Variants in PSME1 observed in about 807,000 individuals in gnomAD.
The protein encoded by PSME1 is proteasome activator complex subunit 1.
A neutral mutation model predicts 38.4 loss-of-function variants in PSME1; 15 were observed. The ratio of observed to expected loss-of-function variants is 0.39; its 90% confidence interval spans 0.26 to 0.60. The LOEUF (loss-of-function observed/expected upper bound fraction) is 0.60. Ranked by LOEUF, PSME1 falls within the 20% of genes least tolerant of loss-of-function variation. PSME1 has a pLI of 0.53. For missense variants in PSME1, 249 were observed against 305.6 expected (o/e 0.81, Z 1.38); for synonymous variants, 106 against 106.8 (o/e 0.99, Z 0.05).
rs2037951345 is a variant in PSME1 at position 24,138,271 on chromosome 14, A to T, written c.527+8A>T. 1 of 1,613,928 alleles carries T rather than the reference A, an allele frequency of 6.2e-7. No homozygotes were observed. Among genetic ancestry groups the T allele is most frequent in the Non-Finnish European group, 8.5e-7 (1 of 1,179,818 alleles). ...CCACACTCAAATCTCTAAGTGAGTG[A>T]CCACCCATGTGCACACTGTTTTTGT... On this transcript the variant is annotated splice_region_variant and intron_variant, in intron 8 of 10. Transcript: ENST00000206451.
At chr14:24,137,097 A>G in intron 2 of PSME1, 46 bp from the exon 3 acceptor site, 1 of 1,613,748 alleles carries the variant, frequency 6.2e-7, no homozygotes, top group Non-Finnish European at 8.5e-7. Flanking sequence ...TAGGACGGGC[A>G]TTTGATGCTG....
intron 9 of PSME1, 22 bp from the exon 10 acceptor site, chr14:24,138,452 G>A: frequency 6.2e-7 from 1 of 1,614,152 alleles, no homozygotes; most frequent in Non-Finnish European, 8.5e-7. Flanking sequence ...GTAAGGTCAG[G>A]CCTGACCCGA....
In PSME1 at chr14:24,136,910, A is replaced by G. The variant is rs1012792463; in HGVS notation, c.40-75A>G. 1.3e-6 allele frequency: 2 copies of G among 1,588,842 alleles called. No homozygotes were observed. The highest frequency in any genetic ancestry group is 2.7e-5 in the African/African-American group (2 of 74,496). ...CACCCTTCCCCAGGTCAGGCCCTAC[A>G]TAACCCTAAGGGAACTGTCCTCAAA... On this transcript the variant is annotated intron_variant, in intron 1 of 10. Transcript: ENST00000206451. The surrounding 1 kb of genome is among the most constrained non-coding windows in gnomAD (Gnocchi z 4.8).
At position 24,136,819 on chromosome 14, in the gene PSME1, C is replaced by T; in HGVS notation, c.40-166C>T. On this transcript the variant is annotated intron_variant, in intron 1 of 10. Coordinates refer to ENST00000206451, the MANE Select transcript of PSME1 (RefSeq NM_006263.4). The surrounding 1 kb of genome is among the most constrained non-coding windows in gnomAD (Gnocchi z 4.8). ...GTCTGCAGAGATCCACCTTCTCCAC[C>T]ACCCCAACCCACCCTACAGGCATCC... 1.3e-6 allele frequency: 1 copy of T among 758,026 alleles called. No homozygotes were observed. Among genetic ancestry groups the T allele is most frequent in the East Asian group, 2.7e-5 (1 of 37,330 alleles). 47.0% of individuals were successfully genotyped at this position (758,026 alleles called of 1,614,324 possible).
At position 24,138,907 on chromosome 14, in the gene PSME1, G is replaced by A; in HGVS notation, c.*91G>A. 1 of 1,592,172 alleles carries A rather than the reference G, an allele frequency of 6.3e-7. No individual in the cohort carries two copies. On this transcript the variant is annotated 3_prime_UTR_variant, in exon 11 of 11. Transcript: ENST00000206451. ...GATTTTCCCCAAACTTGCTTCTGTT[G>A]AGATTTTTCCCTCACCTTGCCTCTC...
At chr14:24,137,052 G>C in intron 2 of PSME1, 35 bp downstream of exon 2, 1 of 1,614,094 alleles carries the variant, frequency 6.2e-7, no homozygotes, top group Non-Finnish European at 8.5e-7. Context: ...CCCCACCCCT[G>C]CCCAACTCCT....
rs148185396 is a variant in PSME1, at chr14:24,137,505, CCT to C, written c.247-10_247-9del. 6,936 of 1,614,152 alleles carry C rather than the reference CCT, an allele frequency of 4.3e-3. 261 individuals are homozygous for C. In the African/African-American group the frequency reaches 0.083, roughly 19 times the overall value. On this transcript the variant is annotated splice_polypyrimidine_tract_variant and intron_variant, in intron 4 of 10. Transcript: ENST00000206451. ...ACCTTAGTCCTGACTCTCATGAGCT[CCT>C]CTCTTTCTGCAGAAGGAAGACAAGG...
At position 24,136,795 on chromosome 14, in the gene PSME1, T is replaced by C; in HGVS notation, c.40-190T>C. ...CCACTCCACTTTCCGTAGATCCAGG[T>C]CTGCAGAGATCCACCTTCTCCACCA... is the stretch of plus-strand genomic sequence containing the variant. On this transcript the variant is annotated intron_variant, in intron 1 of 10. Coordinates refer to ENST00000206451, the MANE Select transcript of PSME1 (RefSeq NM_006263.4). This position sits in a 1 kb window ranked among gnomAD's most constrained non-coding sequence, Gnocchi z 4.8. 1 of 672,760 alleles carries C rather than the reference T, an allele frequency of 1.5e-6. No homozygotes were observed. Among genetic ancestry groups the C allele is most frequent in the Non-Finnish European group, 2.7e-6 (1 of 369,520 alleles). 41.7% of individuals were successfully genotyped at this position (672,760 alleles called of 1,614,324 possible).
rs981151423 is a variant in PSME1, at chr14:24,136,629, C to G, written c.39+328C>G. Among the ~76,000 whole-genome samples, 1 of 152,134 alleles carries G rather than the reference C, an allele frequency of 6.6e-6. No individual in the cohort carries two copies. Among genetic ancestry groups the G allele is most frequent in the African/African-American group, 2.4e-5 (1 of 41,426 alleles). ...CCTCAGGGAGGGTCCCGGGGCCCAC[C>G]CCATCCCTGTCCTACTTGCAGAGGA... On this transcript the variant is annotated intron_variant, in intron 1 of 10. Transcript: ENST00000206451. The surrounding 1 kb of genome is among the most constrained non-coding windows in gnomAD (Gnocchi z 4.8).
rs1220767878 is a variant in PSME1 at position 24,138,122 on chromosome 14, G to A, written c.459+5G>A. ...AATTTTGGAGTGGCTGTCCAGGTGA[G>A]AGCGCTGCCCCACTTCCCTGCTCTT... On this transcript the variant is annotated splice_donor_5th_base_variant and intron_variant, in intron 7 of 10. Coordinates refer to ENST00000206451, the MANE Select transcript of PSME1 (RefSeq NM_006263.4). The A allele has an allele frequency of 1.2e-6, 2 of 1,614,096 alleles. No homozygotes were observed. Among genetic ancestry groups the A allele is most frequent in the Non-Finnish European group, 8.5e-7 (1 of 1,180,022 alleles).
chr14:24,136,582 C>CA lies in PSME1; in HGVS notation c.39+281_39+282insA, dbSNP rs1402859058. Among the ~76,000 whole-genome samples the CA allele has an allele frequency of 6.6e-6, 1 of 152,150 alleles. No individual in the cohort carries two copies. The highest frequency in any genetic ancestry group is 1.5e-5 in the Non-Finnish European group (1 of 67,998). ...ACACACAGACTGGGTGCGGGACTGC[C>CA]CCAGCTACCTTCTGGCCTTTCCCTC... On this transcript the variant is annotated intron_variant, in intron 1 of 10. Transcript: ENST00000206451. This position sits in a 1 kb window ranked among gnomAD's most constrained non-coding sequence, Gnocchi z 4.8.
intron 2 of PSME1, 32 bp downstream of exon 2, chr14:24,137,049 C>A: frequency 6.2e-7 from 1 of 1,614,162 alleles, no homozygotes; most frequent in Non-Finnish European, 8.5e-7. Flanking sequence ...TGGCCCCACC[C>A]CTGCCCAACT....
rs370908296 is a variant in PSME1 at position 24,137,093 on chromosome 14, G to A, written c.73-50G>A. The A allele has an allele frequency of 4.6e-5, 75 of 1,613,628 alleles. No individual in the cohort carries two copies. The Middle Eastern group carries it at 6.6e-4, about 14-fold the overall frequency. ...TCAACCCTGCCTCACTACCTAGGAC[G>A]GGCATTTGATGCTGACTCCCATCCT... On this transcript the variant is annotated intron_variant, in intron 2 of 10. Transcript: ENST00000206451.
chr14:24,136,635 C>G lies in PSME1; in HGVS notation c.39+334C>G, dbSNP rs928371824. ...GGAGGGTCCCGGGGCCCACCCCATC[C>G]CTGTCCTACTTGCAGAGGACTCTCA... is the stretch of plus-strand genomic sequence containing the variant. On this transcript the variant is annotated intron_variant, in intron 1 of 10. Coordinates refer to ENST00000206451, the MANE Select transcript of PSME1 (RefSeq NM_006263.4). The surrounding 1 kb of genome is among the most constrained non-coding windows in gnomAD (Gnocchi z 4.8). Among the ~76,000 whole-genome samples the G allele has an allele frequency of 4.6e-5, 7 of 152,174 alleles. No individual in the cohort carries two copies. The highest frequency in any genetic ancestry group is 1.4e-4 in the African/African-American group (6 of 41,440).
rs2037945945 is a variant in PSME1 at position 24,138,118 on chromosome 14, G to A, written c.459+1G>A. On this transcript the variant is annotated splice_donor_variant, in intron 7 of 10. Transcript: ENST00000206451. LOFTEE classifies it high-confidence loss of function. ...TAACAATTTTGGAGTGGCTGTCCAG[G>A]TGAGAGCGCTGCCCCACTTCCCTGC... 1 of 1,614,062 alleles carries A rather than the reference G, an allele frequency of 6.2e-7. No homozygotes were observed. Among genetic ancestry groups the A allele is most frequent in the Non-Finnish European group, 8.5e-7 (1 of 1,180,022 alleles).
chr14:24,136,470 G>A lies in PSME1; in HGVS notation c.39+169G>A. ...GAGGGCGGCGACTGCTGCCTGCGGG[G>A]AGAGGCGAGGCGGCCGTGGTTCTGC... On this transcript the variant is annotated intron_variant, in intron 1 of 10. Transcript: ENST00000206451. The surrounding 1 kb of genome is among the most constrained non-coding windows in gnomAD (Gnocchi z 4.8). 3.2e-6 allele frequency: 2 copies of A among 619,702 alleles called. No individual in the cohort carries two copies. The highest frequency in any genetic ancestry group is 2.6e-5 in the South Asian group (1 of 37,908). 38.4% of individuals were successfully genotyped at this position (619,702 alleles called of 1,614,324 possible).
At position 24,137,588 on chromosome 14, in the gene PSME1, G is replaced by A. The variant is rs747742280; in HGVS notation, c.292+23G>A. ...AAGGTACTTGAAACCACAATGGTGG[G>A]AAGAGACTTGAGTCCCACTCACAGG... On this transcript the variant is annotated intron_variant, in intron 5 of 10. Coordinates refer to ENST00000206451, the MANE Select transcript of PSME1 (RefSeq NM_006263.4). The A allele has an allele frequency of 2.2e-5, 36 of 1,613,886 alleles. No individual in the cohort carries two copies. In the South Asian group the frequency reaches 3.6e-4, roughly 16 times the overall value.
In PSME1 at chr14:24,138,128, T is replaced by C. The variant is rs761470803; in HGVS notation, c.459+11T>C. ...GGAGTGGCTGTCCAGGTGAGAGCGC[T>C]GCCCCACTTCCCTGCTCTTTTCTAG... On this transcript the variant is annotated intron_variant, in intron 7 of 10. Coordinates refer to ENST00000206451, the MANE Select transcript of PSME1 (RefSeq NM_006263.4). The C allele has an allele frequency of 5.0e-6, 8 of 1,614,184 alleles. No homozygotes were observed. Among genetic ancestry groups the C allele is most frequent in the South Asian group, 2.2e-5 (2 of 91,080 alleles).
intron 6 of PSME1, 80 bp from the exon 7 acceptor site, chr14:24,137,969 G>C: frequency 6.4e-7 from 1 of 1,558,982 alleles, no homozygotes; most frequent in South Asian, 1.1e-5. Flanking sequence ...CACCCAGTGT[G>C]GGGAGGGAAG....
Sources: gnomAD v4.1 joint callset for allele counts (sites outside exome capture counted in the v4.1 genomes callset) on GRCh38, gnomAD v4.1.1 for gene constraint, Gnocchi (gnomAD v3.1) non-coding constraint, MANE v1.5 for transcripts, NCBI Gene and HGNC (gene_info 2026-07-23, HGNC 2026-07-21) for gene names.